Variants in IGSF21 observed in about 807,000 individuals in gnomAD.
IGSF21 encodes the protein immunoglobin superfamily member 21.
In IGSF21, 28 loss-of-function variants were observed where a neutral mutation model predicts 46.8. The ratio of observed to expected loss-of-function variants is 0.60; its 90% CI spans 0.44 to 0.82. IGSF21 has a LOEUF of 0.82. IGSF21 is among the 40% of genes least tolerant of loss of function. The probability of loss-of-function intolerance (pLI) is 0.00; values close to 1 mark genes in which losing one functional copy is unlikely to be tolerated. For synonymous variants in IGSF21, 284 were observed against 273.6 expected (o/e 1.04, Z -0.38); for missense variants, 624 against 665.5 (o/e 0.94, Z 0.69).
chr1:18,351,188 A>G lies in IGSF21; in HGVS notation c.425-10927A>G, dbSNP rs116116414. ...CTCTCGGTTGACACCTTTTCCCCTG[A>G]CACAATAATAAACTAAAAAAGCCGT... On this transcript the variant is annotated intron_variant, in intron 4 of 9. Transcript: ENST00000251296. 4.4e-4 allele frequency among the ~76,000 whole-genome samples: 67 copies of G among 152,164 alleles called. 1 individual carries two copies. Among genetic ancestry groups the G allele is most frequent in the Non-Finnish European group, 5.6e-4 (38 of 68,010 alleles).
intron 2 of IGSF21, among the ~76,000 whole-genome samples, chr1:18,265,444 C>T (rs1440767294): frequency 1.3e-5 from 2 of 152,224 alleles, no homozygotes; most frequent in African/African-American, 4.8e-5. Context: ...GGGTGTTCCT[C>T]CTGCAAGCTT....
chr1:18,287,112 C>T (rs963489982), intron 2 of IGSF21, among the ~76,000 whole-genome samples: 6 of 149,002 alleles, frequency 4.0e-5, no homozygotes, highest in Admixed American at 6.7e-5. Context: ...ACCCGGGAGG[C>T]GGAGCTTGCA....
Position 18,239,084 on chromosome 1 carries a change from T to C in IGSF21, c.183+11074T>C, listed in dbSNP as rs376419349. Among the ~76,000 whole-genome samples the C allele has an allele frequency of 4.7e-5, 7 of 148,530 alleles. No individual in the cohort carries two copies. The South Asian group carries it at 6.5e-4, about 14-fold the overall frequency. On this transcript the variant is annotated intron_variant, in intron 2 of 9. Coordinates refer to ENST00000251296, the MANE Select transcript of IGSF21 (RefSeq NM_032880.5). Reference sequence around the variant, plus strand: ...AGAGTCCTGGCCTGAGCTACTACTGTTGGGGCCTCCGAGCACATGGAATCC... The same window carrying C: ...AGAGTCCTGGCCTGAGCTACTACTGCTGGGGCCTCCGAGCACATGGAATCC...
intron 2 of IGSF21, among the ~76,000 whole-genome samples, chr1:18,291,583 C>T (rs1217070837): frequency 6.6e-6 from 1 of 152,224 alleles, no homozygotes; most frequent in Non-Finnish European, 1.5e-5. Context: ...GTGAAGGCAG[C>T]AAGCTTCCCC....
rs183814395 is a variant in IGSF21 at position 18,285,823 on chromosome 1, G to A, written c.184-6043G>A. On this transcript the variant is annotated intron_variant, in intron 2 of 9. Transcript: ENST00000251296. ...AATATGATGGAGCACTTTCTGTTACGATGACAGGAGGTGATGTTTGCAAGC... is the reference window on the plus strand; with the variant it reads ...AATATGATGGAGCACTTTCTGTTACAATGACAGGAGGTGATGTTTGCAAGC... Among the ~76,000 whole-genome samples the A allele has an allele frequency of 2.0e-5, 3 of 152,300 alleles. No individual in the cohort carries two copies. The East Asian group carries it at 5.8e-4, about 29-fold the overall frequency.
chr1:18,160,853 TGG>T (rs1321125853), intron 1 of IGSF21, among the ~76,000 whole-genome samples: 2 of 152,234 alleles, frequency 1.3e-5, no homozygotes, highest in East Asian at 3.9e-4. Context: ...TGGACCAATG[TGG>T]GCTCTGACGG....
chr1:18,323,960 G>C (rs2085631069), intron 3 of IGSF21, among the ~76,000 whole-genome samples: 1 of 152,180 alleles, frequency 6.6e-6, no homozygotes, highest in Non-Finnish European at 1.5e-5. Flanking sequence ...CTCTTAGGTA[G>C]TGGGGCTTTT....
At chr1:18,309,193 A>G (rs185168232) in intron 3 of IGSF21, among the ~76,000 whole-genome samples, 192 of 152,112 alleles carry the variant, frequency 1.3e-3, no homozygotes, top group Non-Finnish European at 2.4e-3. Flanking sequence ...TGGAAATGCT[A>G]CTGTCATTGC....
At chr1:18,357,151 G>C (rs1380810995) in intron 4 of IGSF21, among the ~76,000 whole-genome samples, 2 of 149,538 alleles carry the variant, frequency 1.3e-5, no homozygotes, top group Non-Finnish European at 3.0e-5. Flanking sequence ...AGGAGATTGA[G>C]ATGGGGATGG....
chr1:18,336,333 C>G (rs937038151), intron 4 of IGSF21, among the ~76,000 whole-genome samples: 2 of 152,156 alleles, frequency 1.3e-5, no homozygotes, highest in African/African-American at 4.8e-5. Flanking sequence ...AGGGAAGGCC[C>G]CTCTGCAGCT....
At chr1:18,326,045 C>A (rs900915353) in intron 3 of IGSF21, among the ~76,000 whole-genome samples, 8 of 152,228 alleles carry the variant, frequency 5.3e-5, no homozygotes, top group Non-Finnish European at 1.2e-4. Flanking sequence ...CCCATGCCCC[C>A]CCCTTTTTTT....
chr1:18,163,539 A>T (rs1301308093), intron 1 of IGSF21, among the ~76,000 whole-genome samples: 1 of 152,232 alleles, frequency 6.6e-6, no homozygotes, highest in Non-Finnish European at 1.5e-5. Flanking sequence ...GCTCTGGACA[A>T]GGCTGCACAG....
intron 2 of IGSF21, among the ~76,000 whole-genome samples, chr1:18,289,868 C>G (rs556487808): frequency 1.3e-5 from 2 of 152,274 alleles, no homozygotes; most frequent in South Asian, 2.1e-4. Flanking sequence ...TTTAAAGGTA[C>G]TTTGGTGGCT....
At chr1:18,351,058 TCTAA>T (rs1039086636) in intron 4 of IGSF21, among the ~76,000 whole-genome samples, 5 of 152,014 alleles carry the variant, frequency 3.3e-5, no homozygotes, top group Non-Finnish European at 7.4e-5. Context: ...GTTCTGCACC[TCTAA>T]CTGTCTGGAT....
intron 3 of IGSF21, among the ~76,000 whole-genome samples, chr1:18,296,404 G>A (rs960275611): frequency 6.6e-6 from 1 of 151,502 alleles, no homozygotes; most frequent in Non-Finnish European, 1.5e-5. Context: ...GGTTCTAGCT[G>A]AGTGTTTTTT....
intron 1 of IGSF21, among the ~76,000 whole-genome samples, chr1:18,163,501 T>A (rs551202664): frequency 6.6e-6 from 1 of 152,298 alleles, no homozygotes; most frequent in South Asian, 2.1e-4. Flanking sequence ...CATGACACAT[T>A]TGCACAGGGT....
At chr1:18,156,357 C>T (rs1293112571) in intron 1 of IGSF21, among the ~76,000 whole-genome samples, 4 of 152,228 alleles carry the variant, frequency 2.6e-5, no homozygotes, top group African/African-American at 9.6e-5. Flanking sequence ...CACAACCTCA[C>T]ACTTCATGCC....
chr1:18,283,222 C>T (rs2085179825), intron 2 of IGSF21, among the ~76,000 whole-genome samples: 1 of 152,186 alleles, frequency 6.6e-6, no homozygotes, highest in Admixed American at 6.5e-5. Flanking sequence ...TTTATGACAC[C>T]AGCTGTCTCT....
intron 1 of IGSF21, among the ~76,000 whole-genome samples, chr1:18,190,657 G>C (rs1245354583): frequency 6.6e-6 from 1 of 152,172 alleles, no homozygotes; most frequent in Non-Finnish European, 1.5e-5. Flanking sequence ...CTTCATCTCT[G>C]GTCCCTCTTT....
Sources: gnomAD v4.1 joint callset for allele counts (sites outside exome capture counted in the v4.1 genomes callset) on GRCh38, gnomAD v4.1.1 for gene constraint, MANE v1.5 for transcripts, NCBI Gene and HGNC (gene_info 2026-07-23, HGNC 2026-07-21) for gene names.